Variants in DENND4C observed in about 807,000 individuals in gnomAD.
DENND4C encodes the protein DENN domain-containing protein 4C.
Under a neutral mutation model 203.0 loss-of-function variants are expected in DENND4C, and 108 were observed. The ratio of observed to expected loss-of-function variants is 0.53; its 90% CI spans 0.46 to 0.62. The LOEUF (loss-of-function observed/expected upper bound fraction) is 0.62. Ranked by LOEUF, DENND4C falls within the 20% of genes least tolerant of loss-of-function variation. The pLI is 0.00. For missense variants in DENND4C, 2,481 were observed against 2,301.2 expected, an observed-to-expected ratio of 1.08 and a Z score of -1.60; for synonymous variants, 871 against 792.4, an observed-to-expected ratio of 1.10 and a Z score of -1.67.
chr9:19,300,203 A>G lies in DENND4C; in HGVS notation c.1183A>G (p.Thr395Ala). ...TTTCCCTAGTGGAGCCAACTTTAGCACCTTGCTAATGAATCTGGGTCCTGA... is the reference window on the plus strand; with the variant it reads ...TTTCCCTAGTGGAGCCAACTTTAGCGCCTTGCTAATGAATCTGGGTCCTGA... The part of the protein sequence containing the change: ...PLPLSGANFS[T>A]LLMNLGPENC... Residue 395 changes from threonine (T) to alanine (A), a missense_variant, in exon 9 of 33, where the codon ACC becomes GCC. Physicochemically the swap from Thr to Ala is moderately conservative, Grantham distance 58 (BLOSUM62 0). This residue lies in a region of DENND4C where 2,289 missense variants were observed against 2,113.3 expected (regional missense o/e 1.08). Transcript: ENST00000434457. 6.2e-7 allele frequency: 1 copy of G among 1,608,326 alleles called. No individual in the cohort carries two copies. Among genetic ancestry groups the G allele is most frequent in the Middle Eastern group, 1.7e-4 (1 of 6,034 alleles).
chr9:19,298,153 C>T, intron 7 of DENND4C, 31 bp downstream of exon 7: 6 of 1,581,564 alleles, frequency 3.8e-6, no homozygotes, highest in Non-Finnish European at 5.2e-6. Context: ...TTGGGGAGAA[C>T]TTTGCATATG....
At chr9:19,289,576 TC>T (rs1231756479) in intron 4 of DENND4C, among the ~76,000 whole-genome samples, 1 of 152,098 alleles carries the variant, frequency 6.6e-6, no homozygotes, top group Non-Finnish European at 1.5e-5. Context: ...CGCCTGTAAT[TC>T]CAGCACTTTG....
chr9:19,336,185 A>ATATATAT, intron 18 of DENND4C, 85 bp from the exon 19 acceptor site: 1 of 1,223,744 alleles, frequency 8.2e-7, no homozygotes, highest in Non-Finnish European at 1.1e-6. Flanking sequence ...ATATATATAT[A>ATATATAT]AACATACACA....
At chr9:19,247,210 C>G (rs138114938) in intron 1 of DENND4C, among the ~76,000 whole-genome samples, 1 of 152,136 alleles carries the variant, frequency 6.6e-6, no homozygotes, top group Non-Finnish European at 1.5e-5. Context: ...TCTTTCCTCA[C>G]CTGAAGTTTG....
intron 16 of DENND4C, among the ~76,000 whole-genome samples, chr9:19,330,898 A>T (rs1050742544): frequency 6.6e-6 from 1 of 151,722 alleles, no homozygotes; most frequent in Non-Finnish European, 1.5e-5. Flanking sequence ...AAAAATCTGC[A>T]CAAAAAAATT....
At chr9:19,283,878 A>G (rs564736803) in intron 2 of DENND4C, among the ~76,000 whole-genome samples, 1 of 152,212 alleles carries the variant, frequency 6.6e-6, no homozygotes, top group East Asian at 1.9e-4. Context: ...TATAGGCGTG[A>G]GCCACTGCGC....
At chr9:19,297,150 TG>T in intron 6 of DENND4C, among the ~76,000 whole-genome samples, 1 of 152,332 alleles carries the variant, frequency 6.6e-6, no homozygotes, top group South Asian at 2.1e-4. Flanking sequence ...TGTCAAGAGC[TG>T]TAATGTATTA....
intron 1 of DENND4C, among the ~76,000 whole-genome samples, chr9:19,268,860 C>T (rs1214405358): frequency 6.6e-6 from 1 of 151,982 alleles, no homozygotes; most frequent in African/African-American, 2.4e-5. Flanking sequence ...CTTTTAGAAT[C>T]CTTTCTTCAT....
intron 4 of DENND4C, among the ~76,000 whole-genome samples, chr9:19,289,828 C>CAAA (rs377068068): frequency 0.25 from 31,265 of 126,318 alleles, 4,272 homozygotes; most frequent in East Asian, 0.44. Flanking sequence ...GATCCTGTCT[C>CAAA]AAAAAAAAAA....
chr9:19,237,466 C>A (rs1822280973), intron 1 of DENND4C, among the ~76,000 whole-genome samples: 1 of 152,202 alleles, frequency 6.6e-6, no homozygotes, highest in African/African-American at 2.4e-5. Flanking sequence ...ATTCTTCTGC[C>A]TCAGTCTCCC....
chr9:19,316,369 A>G (rs769857334), intron 10 of DENND4C, 48 bp from the exon 11 acceptor site: 6 of 1,498,886 alleles, frequency 4.0e-6, no homozygotes, highest in Non-Finnish European at 1.8e-6. Flanking sequence ...GTCTAGTAAA[A>G]GCAGATTATG....
At chr9:19,258,237 C>T (rs1302273739) in intron 1 of DENND4C, among the ~76,000 whole-genome samples, 1 of 152,136 alleles carries the variant, frequency 6.6e-6, no homozygotes, top group Non-Finnish European at 1.5e-5. Context: ...CATAAAGATC[C>T]AGACTCATGT....
intron 2 of DENND4C, among the ~76,000 whole-genome samples, chr9:19,280,561 G>A: frequency 6.6e-6 from 1 of 152,026 alleles, no homozygotes; most frequent in Admixed American, 6.6e-5. Flanking sequence ...TTTCTCTATG[G>A]TTTCCTTAAG....
chr9:19,286,801 C>G lies in DENND4C; in HGVS notation c.338C>G (p.Pro113Arg), dbSNP rs368717301. ...TATGAAGGGAAAGAACGGCTTATTCCAGGATGTGAAGTGATCCTAGCCACA... is the reference window on the plus strand; with the variant it reads ...TATGAAGGGAAAGAACGGCTTATTCGAGGATGTGAAGTGATCCTAGCCACA... The part of the protein sequence containing the change: ...VLYEGKERLI[P>R]GCEVILATPY... The change falls in exon 3 of 33, where the codon CCA (proline) becomes CGA (arginine). Residue 113 changes from proline (P) to arginine (R), a missense_variant. Around this residue, in one of 3 missense-constraint regions of DENND4C, gnomAD observed 187 missense variants for 167.4 expected, o/e 1.12. Coordinates refer to ENST00000434457, the MANE Select transcript of DENND4C (RefSeq NM_001330640.2). 2.8e-5 allele frequency: 35 copies of G among 1,232,038 alleles called. 1 individual carries two copies. Among genetic ancestry groups the G allele is most frequent in the East Asian group, 1.9e-4 (6 of 31,686 alleles). The allele number at this position is 1,232,038 out of a possible 1,614,324, so 76.3% of individuals were successfully genotyped here.
In DENND4C at chr9:19,346,375, A is replaced by G. The variant is rs763251850; in HGVS notation, c.3606A>G (p.Val1202=). ...ACGTACCTAAAACTACTGCAACAGTAGATACATATGAGAGTCTACTAAGTG... is the reference window on the plus strand; with the variant it reads ...ACGTACCTAAAACTACTGCAACAGTGGATACATATGAGAGTCTACTAAGTG... The part of the protein sequence containing the change: ...VDDVPKTTAT[V]DTYESLLSDS... Residue 1202 remains valine, a synonymous_variant, in exon 23 of 33, where the codon GTA becomes GTG. Coordinates refer to ENST00000434457, the MANE Select transcript of DENND4C (RefSeq NM_001330640.2). 2.5e-6 allele frequency: 4 copies of G among 1,614,188 alleles called. No homozygotes were observed. The South Asian group carries it at 3.3e-5, about 13-fold the overall frequency.
chr9:19,262,441 A>T (rs1829609967), intron 1 of DENND4C, among the ~76,000 whole-genome samples: 1 of 129,020 alleles, frequency 7.8e-6, no homozygotes, highest in African/African-American at 3.1e-5. Context: ...TTCCAAATAT[A>T]TCATATCTTT....
chr9:19,354,676 C>T (rs771525550), intron 26 of DENND4C, among the ~76,000 whole-genome samples: 3 of 151,170 alleles, frequency 2.0e-5, no homozygotes, highest in Admixed American at 6.6e-5. Context: ...CTTAGCCTCC[C>T]GAGTAGCTGG....
rs550603926 is a variant in DENND4C at position 19,248,682 on chromosome 9, G to A, written c.-18+17849G>A. On this transcript the variant is annotated intron_variant, in intron 1 of 32. Transcript: ENST00000434457. ...TGGGATTACAGGTGTGTGCCTCTGC[G>A]CCTGGCTAGATCTTACTTATTTACT... Among the ~76,000 whole-genome samples, 4 of 152,242 alleles carry A rather than the reference G, an allele frequency of 2.6e-5. No homozygotes were observed. The East Asian group carries it at 5.8e-4, about 22-fold the overall frequency.
chr9:19,341,083 A>G lies in DENND4C; in HGVS notation c.2973A>G (p.Glu991=), dbSNP rs1382278759. 4 of 1,612,088 alleles carry G rather than the reference A, an allele frequency of 2.5e-6. No individual in the cohort carries two copies. The highest frequency in any genetic ancestry group is 1.3e-5 in the African/African-American group (1 of 74,806). Residue 991 remains glutamate, a synonymous_variant, in exon 21 of 33, where the codon GAA becomes GAG. Coordinates refer to ENST00000434457, the MANE Select transcript of DENND4C (RefSeq NM_001330640.2). ...TGCCTGAAGAACAGGCAGCAAGAGA[A>G]TTGATAACTAAAACAAAAATGCAAA... The part of the protein sequence containing the change: ...IHVPEEQAAR[E]LITKTKMQTE...
Sources: allele counts gnomAD v4.1 joint callset (sites outside exome capture counted in the v4.1 genomes callset), GRCh38; gene constraint gnomAD v4.1.1; regional missense constraint gnomAD v4.1.1; transcripts MANE v1.5; gene names NCBI Gene and HGNC (gene_info 2026-07-23, HGNC 2026-07-21).